SLC25A20: variants seen among roughly 807,000 people sequenced by gnomAD.
The protein encoded by SLC25A20 is solute carrier family 25 member 20.
A neutral mutation model predicts 39.7 loss-of-function variants in SLC25A20; 29 were observed. The observed-to-expected ratio is 0.73, with a 90% confidence interval of 0.54 to 1.00. The LOEUF is 1.00. Ranked by LOEUF, SLC25A20 falls within the 50% of genes least tolerant of loss-of-function variation. The pLI, the probability that SLC25A20 is intolerant of heterozygous loss-of-function variation, is 0.00. For synonymous variants in SLC25A20, 103 were observed against 142.2 expected, an observed-to-expected ratio of 0.72 and a Z score of 1.96; for missense variants, 333 against 379.9, an observed-to-expected ratio of 0.88 and a Z score of 1.03.
At chr3:48,870,584 G>T (rs550965485) in intron 4 of SLC25A20, among the ~76,000 whole-genome samples, 13 of 134,962 alleles carry the variant, frequency 9.6e-5, no homozygotes, top group African/African-American at 3.3e-4. Flanking sequence ...TTTTGAGACA[G>T]TATCTCGACT....
chr3:48,895,701 CG>C, intron 1 of SLC25A20: 1 of 445,676 alleles, frequency 2.2e-6, no homozygotes. Context: ...AGAGGTGACA[CG>C]TAAGTCTGAG....
At position 48,858,644 on chromosome 3, in the gene SLC25A20, A is replaced by G; in HGVS notation, c.719-13T>C. On this transcript the variant is annotated splice_polypyrimidine_tract_variant and intron_variant, in intron 7 of 8. Transcript: ENST00000319017. ...TTCCCAGGAGGTGCTGTGGGGCAGAACCCAATTTTTAAGGCTTCAGGAAGG... is the reference window on the plus strand; with the variant it reads ...TTCCCAGGAGGTGCTGTGGGGCAGAGCCCAATTTTTAAGGCTTCAGGAAGG... 8 of 1,614,142 alleles carry G rather than the reference A, an allele frequency of 5.0e-6. No individual in the cohort carries two copies. Among genetic ancestry groups the G allele is most frequent in the Non-Finnish European group, 6.8e-6 (8 of 1,180,022 alleles).
At chr3:48,877,070 T>G (rs904297608) in intron 4 of SLC25A20, among the ~76,000 whole-genome samples, 18 of 151,844 alleles carry the variant, frequency 1.2e-4, no homozygotes, top group Admixed American at 1.2e-3. Flanking sequence ...CACTCCAGTC[T>G]AGGCAACAGA....
chr3:48,864,559 GTT>G (rs77350745), intron 4 of SLC25A20, among the ~76,000 whole-genome samples: 11 of 138,884 alleles, frequency 7.9e-5, no homozygotes, highest in African/African-American at 1.6e-4. Context: ...AGTATCAATG[GTT>G]TTTTTTTTTT....
chr3:48,891,412 C>G (rs1383726065), intron 2 of SLC25A20, among the ~76,000 whole-genome samples: 1 of 152,102 alleles, frequency 6.6e-6, no homozygotes, highest in African/African-American at 2.4e-5. Flanking sequence ...CTCTGTCACC[C>G]AGGTTGGAGT....
At chr3:48,898,208 C>T (rs1238046980) in intron 1 of SLC25A20, among the ~76,000 whole-genome samples, 1 of 152,202 alleles carries the variant, frequency 6.6e-6, no homozygotes, top group Non-Finnish European at 1.5e-5. Flanking sequence ...CAAGTATCTC[C>T]CCGGGCCGGG....
At chr3:48,868,820 A>G (rs2106642510) in intron 4 of SLC25A20, among the ~76,000 whole-genome samples, 1 of 152,306 alleles carries the variant, frequency 6.6e-6, no homozygotes, top group African/African-American at 2.4e-5. Context: ...AGTACCCAAC[A>G]TGTTACCAGC....
At chr3:48,884,431 C>A (rs950834731) in intron 2 of SLC25A20, among the ~76,000 whole-genome samples, 3 of 151,988 alleles carry the variant, frequency 2.0e-5, no homozygotes, top group Non-Finnish European at 4.4e-5. Context: ...CTCATCACAG[C>A]CTTGATCCCC....
intron 1 of SLC25A20, among the ~76,000 whole-genome samples, chr3:48,893,729 C>G (rs1242351388): frequency 6.6e-6 from 1 of 151,386 alleles, no homozygotes; most frequent in African/African-American, 2.4e-5. Context: ...GGGTTTTCAC[C>G]ATGTTGCCCA....
chr3:48,874,166 C>A (rs1451169301), intron 4 of SLC25A20, among the ~76,000 whole-genome samples: 1 of 151,942 alleles, frequency 6.6e-6, no homozygotes, highest in Non-Finnish European at 1.5e-5. Flanking sequence ...ATGGCGCATG[C>A]CTGTAATCCC....
chr3:48,893,086 G>A (rs1014055951), intron 1 of SLC25A20, among the ~76,000 whole-genome samples: 1 of 151,820 alleles, frequency 6.6e-6, no homozygotes, highest in Admixed American at 6.6e-5. Context: ...GAGTGCGGCG[G>A]TGTGGTCAAT....
At chr3:48,877,598 G>A (rs142050779) in intron 4 of SLC25A20, among the ~76,000 whole-genome samples, 8 of 151,156 alleles carry the variant, frequency 5.3e-5, no homozygotes, top group Non-Finnish European at 7.4e-5. Flanking sequence ...GCGTGGTGGC[G>A]CACACCTGTA....
chr3:48,869,743 T>C (rs1467981706), intron 4 of SLC25A20, among the ~76,000 whole-genome samples: 1 of 151,720 alleles, frequency 6.6e-6, no homozygotes, highest in Non-Finnish European at 1.5e-5. Flanking sequence ...ACCCCAGAGT[T>C]TCAGGATGCA....
intron 3 of SLC25A20, among the ~76,000 whole-genome samples, chr3:48,881,213 C>G (rs765670472): frequency 6.6e-6 from 1 of 152,228 alleles, no homozygotes; most frequent in African/African-American, 2.4e-5. Flanking sequence ...CACAGCCAAG[C>G]TGACTGTCAA....
intron 8 of SLC25A20, 148 bp downstream of exon 8, chr3:48,858,359 G>A (rs1317433747): frequency 2.5e-6 from 3 of 1,187,206 alleles, no homozygotes; most frequent in Non-Finnish European, 3.7e-6. Flanking sequence ...CAGCTTCAAG[G>A]AAGGGAGCAA....
chr3:48,873,782 A>G (rs991333770), intron 4 of SLC25A20, among the ~76,000 whole-genome samples: 1 of 151,382 alleles, frequency 6.6e-6, no homozygotes, highest in African/African-American at 2.4e-5. Context: ...GATCGAGATC[A>G]CGGTGAAACC....
intron 4 of SLC25A20, among the ~76,000 whole-genome samples, chr3:48,874,695 C>G (rs1179093150): frequency 6.6e-6 from 1 of 152,052 alleles, no homozygotes; most frequent in East Asian, 1.9e-4. Flanking sequence ...GACTACTATT[C>G]AGCAATAAAA....
intron 7 of SLC25A20, 62 bp downstream of exon 7, chr3:48,859,030 C>A (rs2083602550): frequency 1.5e-6 from 2 of 1,364,246 alleles, no homozygotes; most frequent in African/African-American, 1.4e-5. Context: ...GCTTTGCACC[C>A]CAGGATTAGC....
chr3:48,861,822 T>A (rs1400982434), intron 5 of SLC25A20, among the ~76,000 whole-genome samples: 1 of 150,362 alleles, frequency 6.7e-6, no homozygotes, highest in East Asian at 2.0e-4. Context: ...AGGTCAGGAG[T>A]TTGAGACCAG....
Sources: gnomAD v4.1 joint callset for allele counts (sites outside exome capture counted in the v4.1 genomes callset) on GRCh38, gnomAD v4.1.1 for gene constraint, MANE v1.5 for transcripts, NCBI Gene and HGNC (gene_info 2026-07-23, HGNC 2026-07-21) for gene names.